The following TTC24 variants were observed in gnomAD, a reference collection of about 807,000 sequenced individuals.
The protein encoded by TTC24 is tetratricopeptide repeat protein 24.
A neutral mutation model predicts 63.3 loss-of-function variants in TTC24; 54 were observed. The ratio of observed to expected loss-of-function variants is 0.85; its 90% CI spans 0.69 to 1.07. The LOEUF (loss-of-function observed/expected upper bound fraction) is 1.07, where lower values mean the gene tolerates loss of function less well. TTC24 is among the 50% of genes least tolerant of loss of function. The pLI is 0.00. For missense variants in TTC24, 680 were observed against 730.5 expected (o/e 0.93, Z 0.80); for synonymous variants, 276 against 304.3 (o/e 0.91, Z 0.97).
chr1:156,581,734 G>C lies in TTC24; in HGVS notation c.370G>C (p.Ala124Pro). Residue 124 changes from alanine (A) to proline (P), a missense_variant, in exon 2 of 11, where the codon GCT becomes CCT. Transcript: ENST00000368236. ...RRHGDQCFNV[A>P]LAYHALGELP... ...ACACGGCGACCAATGTTTCAATGTG[G>C]CTTTGGCCTACCATGCCCTCGGCGA... is the stretch of plus-strand genomic sequence containing the variant. 6.4e-7 allele frequency: 1 copy of C among 1,551,786 alleles called. No homozygotes were observed. Among genetic ancestry groups the C allele is most frequent in the Non-Finnish European group, 8.7e-7 (1 of 1,147,018 alleles).
intron 1 of TTC24, among the ~76,000 whole-genome samples, chr1:156,580,181 G>A (rs1293628278): frequency 4.6e-5 from 7 of 152,144 alleles, no homozygotes; most frequent in Non-Finnish European, 8.8e-5. Context: ...CCTTGAGCTA[G>A]GGAAGGGGCA....
intron 6 of TTC24, among the ~76,000 whole-genome samples, chr1:156,584,285 T>C (rs185156804): frequency 3.9e-5 from 6 of 152,138 alleles, no homozygotes; most frequent in African/African-American, 1.4e-4. Context: ...TCTCTGTGGG[T>C]CTCCACCGTG....
intron 1 of TTC24, among the ~76,000 whole-genome samples, chr1:156,580,238 T>G (rs1676955965): frequency 6.6e-6 from 1 of 152,166 alleles, no homozygotes; most frequent in Non-Finnish European, 1.5e-5. Context: ...CAGAAAATCC[T>G]TCTCTCCTGG....
intron 3 of TTC24, 59 bp from the exon 4 acceptor site, chr1:156,582,983 G>A: frequency 2.6e-6 from 4 of 1,559,738 alleles, no homozygotes; most frequent in Non-Finnish European, 3.5e-6. Context: ...TGGAGGGTGG[G>A]GTCCTGATGT....
intron 3 of TTC24, 43 bp from the exon 4 acceptor site, chr1:156,582,999 C>A: frequency 1.3e-6 from 2 of 1,571,984 alleles, no homozygotes; most frequent in Admixed American, 1.8e-5. Flanking sequence ...GATGTCCCAG[C>A]AGCCAGAGTC....
Position 156,583,339 on chromosome 1 carries a change from G to T in TTC24, c.1041G>T (p.Gly347=). 2 of 1,612,742 alleles carry T rather than the reference G, an allele frequency of 1.2e-6. No individual in the cohort carries two copies. Among genetic ancestry groups the T allele is most frequent in the Non-Finnish European group, 1.7e-6 (2 of 1,179,356 alleles). Residue 347 remains glycine (G), a splice_region_variant and synonymous_variant, in exon 5 of 11, where the codon GGG becomes GGT. Transcript: ENST00000368236. The surrounding 1 kb of genome is among the most constrained non-coding windows in gnomAD (Gnocchi z 4.0). ...CCTTCCAGGCTCTCTTTCTCTCAGG[G>T]GACATGAAGGGACAGTGGCAGGCCT... ...LHALQAARDS[G]DMKGQWQACE...
chr1:156,583,725 T>G lies in TTC24; in HGVS notation c.1153-72T>G. On this transcript the variant is annotated intron_variant, in intron 5 of 10. Transcript: ENST00000368236. The surrounding 1 kb of genome is among the most constrained non-coding windows in gnomAD (Gnocchi z 4.0). ...CCTCCCCCCTCCCTTTCCTGTTTCC[T>G]TCTTCCCCAACCCCCAGAGGACCAT... is the stretch of plus-strand genomic sequence containing the variant. The G allele has an allele frequency of 1.3e-6, 1 of 793,068 alleles. No homozygotes were observed. Among genetic ancestry groups the G allele is most frequent in the Non-Finnish European group, 2.1e-6 (1 of 485,312 alleles). 49.1% of individuals were successfully genotyped at this position (793,068 alleles called of 1,614,324 possible).
At chr1:156,581,292 C>A in intron 1 of TTC24, 69 bp from the exon 2 acceptor site, 1 of 1,203,706 alleles carries the variant, frequency 8.3e-7, no homozygotes, top group Non-Finnish European at 1.1e-6. Flanking sequence ...GCTGAATTGC[C>A]CTAAGGGGGT....
At position 156,585,080 on chromosome 1, in the gene TTC24, T is replaced by G. The variant is rs768906330; in HGVS notation, c.1350-45T>G. Reference sequence around the variant, plus strand: ...TGTGTATCCCCAGGAAGGAGGGGACTGGTGTCGCTCTGCCAAGCTGTGCCC... The same window carrying G: ...TGTGTATCCCCAGGAAGGAGGGGACGGGTGTCGCTCTGCCAAGCTGTGCCC... On this transcript the variant is annotated intron_variant, in intron 7 of 10. Transcript: ENST00000368236. The G allele has an allele frequency of 1.9e-6, 3 of 1,568,752 alleles. No homozygotes were observed. In the African/African-American group the frequency reaches 4.1e-5, roughly 21 times the overall value.
At chr1:156,584,191 A>G (rs1422870015) in intron 6 of TTC24, among the ~76,000 whole-genome samples, 1 of 152,186 alleles carries the variant, frequency 6.6e-6, no homozygotes, top group Non-Finnish European at 1.5e-5. Flanking sequence ...CAAGTCCTTG[A>G]CTGCAGTTCC....
At position 156,582,380 on chromosome 1, in the gene TTC24, C is replaced by T. The variant is rs769147868; in HGVS notation, c.856C>T (p.Leu286Phe). The change falls in exon 3 of 11, where the codon CTC becomes TTC. Residue 286 changes from leucine to phenylalanine, a missense_variant. Coordinates refer to ENST00000368236, the MANE Select transcript of TTC24 (RefSeq NM_001105669.4). ...LRNLGMAHNALGNYQEAREFH... is the reference protein window; with the variant it reads ...LRNLGMAHNAFGNYQEAREFH... ...AAACCTCGGGATGGCCCACAATGCC[C>T]TCGGCAACTATCAGGAAGCTCGGGA... is the stretch of plus-strand genomic sequence containing the variant. 2 of 1,613,716 alleles carry T rather than the reference C, an allele frequency of 1.2e-6. No homozygotes were observed. Among genetic ancestry groups the T allele is most frequent in the Admixed American group, 1.7e-5 (1 of 59,996 alleles).
At position 156,583,520 on chromosome 1, in the gene TTC24, C is replaced by T; in HGVS notation, c.1152+70C>T. ...CTTCTGGCTGACATTCCTGCCTTCACTCCTTGTCTTCTCCCCATCACTCAC... is the reference window on the plus strand; with the variant it reads ...CTTCTGGCTGACATTCCTGCCTTCATTCCTTGTCTTCTCCCCATCACTCAC... On this transcript the variant is annotated intron_variant, in intron 5 of 10. Coordinates refer to ENST00000368236, the MANE Select transcript of TTC24 (RefSeq NM_001105669.4). This position sits in a 1 kb window ranked among gnomAD's most constrained non-coding sequence, Gnocchi z 4.0. 7.8e-7 allele frequency: 1 copy of T among 1,286,114 alleles called. No homozygotes were observed. The highest frequency in any genetic ancestry group is 1.1e-6 in the Non-Finnish European group (1 of 929,596). 79.7% of individuals were successfully genotyped at this position (1,286,114 alleles called of 1,614,324 possible).
At position 156,581,523 on chromosome 1, in the gene TTC24, T is replaced by C; in HGVS notation, c.159T>C (p.His53=). 6.4e-7 allele frequency: 1 copy of C among 1,551,376 alleles called. No homozygotes were observed. The highest frequency in any genetic ancestry group is 2.4e-5 in the East Asian group (1 of 40,896). Residue 53 remains histidine, a synonymous_variant, in exon 2 of 11, where the codon CAT becomes CAC. Transcript: ENST00000368236. ...GGGCCCTTCAGGCTGGCCAGAACCA[T>C]GAAGCCTTGAACAACTTCCAGAGGG... The part of the protein sequence containing the change: ...GHGALQAGQN[H]EALNNFQRAF...
At chr1:156,581,211 C>A (rs1676980697) in intron 1 of TTC24, 150 bp from the exon 2 acceptor site, 2 of 564,486 alleles carry the variant, frequency 3.5e-6, no homozygotes, top group African/African-American at 1.9e-5. Context: ...CCCAATGGGA[C>A]AGAAGAAACA....
rs748440946 is a variant in TTC24, at chr1:156,583,164, G to GA, written c.1034dup (p.Asp345GlufsTer13). 1.2e-6 allele frequency: 2 copies of GA among 1,612,304 alleles called. No homozygotes were observed. The highest frequency in any genetic ancestry group is 1.7e-6 in the Non-Finnish European group (2 of 1,179,108). The stretch of plus-strand genomic sequence containing the variant: ...CCTGCATGCCCTGCAGGCTGCCCGG[G>GA]ACTCTGGTAAGCGTGAGAGGGTTGG... On this transcript the variant is annotated frameshift_variant, in exon 4 of 11. Transcript: ENST00000368236. LOFTEE classifies it high-confidence loss of function. The surrounding 1 kb of genome is among the most constrained non-coding windows in gnomAD (Gnocchi z 4.0).
In TTC24 at chr1:156,583,381, T is replaced by C; in HGVS notation, c.1083T>C (p.Ala361=). The C allele has an allele frequency of 6.2e-7, 1 of 1,612,236 alleles. No individual in the cohort carries two copies. The highest frequency in any genetic ancestry group is 8.5e-7 in the Non-Finnish European group (1 of 1,179,296). ...GGCAGGCCTGTGAGGGTCTGGGGGC[T>C]GCTGCAGCCAGGCTGGGGCAGTATG... ...GQWQACEGLG[A]AAARLGQYDQ... is the part of the protein sequence containing the mutation. The change falls in exon 5 of 11, where the codon GCT becomes GCC. Residue 361 remains alanine (A), a synonymous_variant. Coordinates refer to ENST00000368236, the MANE Select transcript of TTC24 (RefSeq NM_001105669.4). This position sits in a 1 kb window ranked among gnomAD's most constrained non-coding sequence, Gnocchi z 4.0.
At chr1:156,582,842 G>C (rs896918271) in intron 3 of TTC24, among the ~76,000 whole-genome samples, 200 bp from the exon 4 acceptor site, 4 of 152,220 alleles carry the variant, frequency 2.6e-5, no homozygotes, top group Non-Finnish European at 4.4e-5. Flanking sequence ...ACTCAAACTA[G>C]CCAGGTGGAG....
rs980648531 is a variant in TTC24, at chr1:156,583,856, G to A, written c.1212G>A (p.Thr404=). Residue 404 remains threonine, a synonymous_variant, in exon 6 of 11, where the codon ACG becomes ACA. Transcript: ENST00000368236. The surrounding 1 kb of genome is among the most constrained non-coding windows in gnomAD (Gnocchi z 4.0). ...LVAKLADTVR[T]RLAQVGLVQT... Reference sequence around the variant, plus strand: ...CCAAGCTGGCAGACACCGTGAGGACGCGCTTGGCCCAGGTGGGGCTGGTCC... The same window carrying A: ...CCAAGCTGGCAGACACCGTGAGGACACGCTTGGCCCAGGTGGGGCTGGTCC... The A allele has an allele frequency of 6.3e-7, 1 of 1,585,088 alleles. No homozygotes were observed. Among genetic ancestry groups the A allele is most frequent in the Admixed American group, 1.8e-5 (1 of 55,086 alleles).
At chr1:156,586,223 C>T (rs1677159141) in intron 10 of TTC24, among the ~76,000 whole-genome samples, 178 bp downstream of exon 10, 1 of 152,182 alleles carries the variant, frequency 6.6e-6, no homozygotes, top group Admixed American at 6.5e-5. Context: ...ATGTGAACAA[C>T]CCTCACCCGG....
Sources: allele counts gnomAD v4.1 joint callset (sites outside exome capture counted in the v4.1 genomes callset), GRCh38; gene constraint gnomAD v4.1.1; non-coding constraint Gnocchi (gnomAD v3.1); transcripts MANE v1.5; gene names NCBI Gene and HGNC (gene_info 2026-07-23, HGNC 2026-07-21).